Variants in CSMD3 observed in about 807,000 individuals in gnomAD.
The protein encoded by CSMD3 is CUB and Sushi multiple domains 3, also known as CUB and sushi domain-containing protein 3.
CSMD3 carries 177 observed loss-of-function variants against 435.2 expected under a neutral mutation model. The ratio of observed to expected loss-of-function variants is 0.41; its 90% CI spans 0.36 to 0.46. CSMD3 has a LOEUF of 0.46. Ranked by LOEUF, CSMD3 falls within the 20% of genes least tolerant of loss-of-function variation. The pLI is 0.34. For synonymous variants in CSMD3, 1,656 were observed against 1,520.5 expected (o/e 1.09, Z -2.07); for missense variants, 4,265 against 4,504.6 (o/e 0.95, Z 1.52).
intron 1 of CSMD3, among the ~76,000 whole-genome samples, chr8:113,429,073 T>C (rs1303353161): frequency 6.6e-6 from 1 of 151,780 alleles, no homozygotes; most frequent in Non-Finnish European, 1.5e-5. Context: ...ACATTTCAAC[T>C]CCTCAAAGAG....
intron 13 of CSMD3, among the ~76,000 whole-genome samples, chr8:112,719,967 TGAGA>T (rs1309469489): frequency 5.3e-5 from 8 of 152,194 alleles, no homozygotes; most frequent in South Asian, 2.1e-4. Flanking sequence ...ATTTAAAAAG[TGAGA>T]GAGACGAAGA....
At chr8:113,090,715 A>T (rs2089973908) in intron 5 of CSMD3, among the ~76,000 whole-genome samples, 1 of 152,102 alleles carries the variant, frequency 6.6e-6, no homozygotes, top group Non-Finnish European at 1.5e-5. Context: ...TGTTATGCTT[A>T]CATATAAGTT....
rs773161625 is a variant in CSMD3, at chr8:112,243,450, T to C, written c.10402+944A>G. 3.3e-5 allele frequency among the ~76,000 whole-genome samples: 5 copies of C among 152,152 alleles called. No individual in the cohort carries two copies. The East Asian group carries it at 7.7e-4, about 23-fold the overall frequency. On this transcript the variant is annotated intron_variant, in intron 65 of 70. Transcript: ENST00000297405. ...TCCTTTACTCCTTCTTCTGGCATTA[T>C]AACCCTTTTCCAAATGGAAATTGTC...
intron 24 of CSMD3, among the ~76,000 whole-genome samples, chr8:112,566,501 A>C (rs149594964): frequency 6.6e-6 from 1 of 152,204 alleles, no homozygotes; most frequent in East Asian, 1.9e-4. Flanking sequence ...AGGAGTTAAG[A>C]AATTATTTAG....
chr8:112,672,171 G>T (rs2075672743), intron 16 of CSMD3, among the ~76,000 whole-genome samples: 1 of 152,028 alleles, frequency 6.6e-6, no homozygotes, highest in African/African-American at 2.4e-5. Flanking sequence ...AAGAGTCTGG[G>T]TAGGAGATGT....
chr8:113,022,688 C>T (rs1033956317), intron 5 of CSMD3, among the ~76,000 whole-genome samples: 1 of 151,530 alleles, frequency 6.6e-6, no homozygotes, highest in African/African-American at 2.4e-5. Context: ...AAAATATGGT[C>T]ATGATAAATG....
intron 28 of CSMD3, 130 bp from the exon 29 acceptor site, chr8:112,506,959 A>G (rs1822598354): frequency 1.3e-6 from 1 of 749,256 alleles, no homozygotes. Flanking sequence ...ATAGTACTTG[A>G]TGCTTGGATA....
chr8:113,057,527 C>T (rs1397774665), intron 5 of CSMD3, among the ~76,000 whole-genome samples: 1 of 151,960 alleles, frequency 6.6e-6, no homozygotes, highest in African/African-American at 2.4e-5. Flanking sequence ...TTTAGAACAA[C>T]TCATAATAAA....
intron 11 of CSMD3, among the ~76,000 whole-genome samples, chr8:112,834,166 G>A (rs1018617146): frequency 2.0e-4 from 31 of 151,902 alleles, no homozygotes; most frequent in Non-Finnish European, 2.9e-5. Context: ...TTTAAATTAA[G>A]TGATGAATTA....
chr8:113,307,550 T>A (rs550203448), intron 2 of CSMD3, among the ~76,000 whole-genome samples: 1 of 152,126 alleles, frequency 6.6e-6, no homozygotes. Context: ...ATTAGAAACC[T>A]TAACTCATGC....
At chr8:112,998,962 C>A (rs2085759718) in intron 6 of CSMD3, among the ~76,000 whole-genome samples, 1 of 151,894 alleles carries the variant, frequency 6.6e-6, no homozygotes, top group Admixed American at 6.6e-5. Context: ...GAACCATGAG[C>A]CAATTAAAAC....
At chr8:112,613,787 C>G (rs1833452496) in intron 22 of CSMD3, among the ~76,000 whole-genome samples, 1 of 152,024 alleles carries the variant, frequency 6.6e-6, no homozygotes. Context: ...CATGATGTAT[C>G]TATTCTCCTG....
chr8:112,981,926 C>G (rs1463091523), intron 6 of CSMD3, among the ~76,000 whole-genome samples: 1 of 151,712 alleles, frequency 6.6e-6, no homozygotes, highest in Non-Finnish European at 1.5e-5. Context: ...TTAAATATTG[C>G]AGTTTTACCC....
intron 13 of CSMD3, among the ~76,000 whole-genome samples, chr8:112,786,637 C>A (rs887460449): frequency 4.6e-5 from 7 of 151,642 alleles, no homozygotes; most frequent in African/African-American, 1.7e-4. Flanking sequence ...AGAAGACATG[C>A]AAATGGAAAA....
intron 9 of CSMD3, among the ~76,000 whole-genome samples, chr8:112,934,378 G>A (rs974789184): frequency 8.5e-5 from 13 of 152,128 alleles, no homozygotes; most frequent in African/African-American, 2.9e-4. Flanking sequence ...TTGCTGAATA[G>A]AACACATAGG....
At chr8:113,407,239 A>G (rs1482187121) in intron 1 of CSMD3, among the ~76,000 whole-genome samples, 1 of 152,148 alleles carries the variant, frequency 6.6e-6, no homozygotes, top group Non-Finnish European at 1.5e-5. Flanking sequence ...TTGATGTTAA[A>G]TTCCTCAAAG....
chr8:112,567,277 T>C (rs1489647004), intron 24 of CSMD3, among the ~76,000 whole-genome samples: 1 of 152,156 alleles, frequency 6.6e-6, no homozygotes, highest in Non-Finnish European at 1.5e-5. Flanking sequence ...TCAGATAACA[T>C]CTCCTTTAAG....
chr8:112,427,692 G>C (rs1813216195), intron 32 of CSMD3, among the ~76,000 whole-genome samples: 1 of 152,142 alleles, frequency 6.6e-6, no homozygotes, highest in African/African-American at 2.4e-5. Flanking sequence ...GCTAGGCTGT[G>C]AGATGCAGGG....
At chr8:112,995,746 T>C (rs1230891698) in intron 6 of CSMD3, among the ~76,000 whole-genome samples, 1 of 151,500 alleles carries the variant, frequency 6.6e-6, no homozygotes, top group Non-Finnish European at 1.5e-5. Context: ...AAGACTAAAA[T>C]TCTATTAAGA....
Sources: allele counts gnomAD v4.1 joint callset (sites outside exome capture counted in the v4.1 genomes callset), GRCh38; gene constraint gnomAD v4.1.1; transcripts MANE v1.5; gene names NCBI Gene and HGNC (gene_info 2026-07-23, HGNC 2026-07-21).